Variants in SYPL1 observed in about 807,000 individuals in gnomAD.
SYPL1 encodes the protein synaptophysin-like protein 1.
Under a neutral mutation model 23.7 loss-of-function variants are expected in SYPL1, and 6 were observed. That is an observed-to-expected ratio of 0.25 (90% CI 0.14 to 0.50). SYPL1 has a LOEUF of 0.50. Among genes scored for constraint, SYPL1 ranks in the 20% least tolerant of loss-of-function variants. The pLI is 0.98. For synonymous variants in SYPL1, 102 were observed against 104.5 expected, an observed-to-expected ratio of 0.98 and a Z score of 0.15; for missense variants, 253 against 288.9, an observed-to-expected ratio of 0.88 and a Z score of 0.90.
At chr7:106,112,397 T>C (rs1450496230), upstream of SYPL1, 9 of 1,060,494 alleles carry the variant, frequency 8.5e-6, no homozygotes, top group African/African-American at 5.9e-5. Flanking sequence ...GCTGAGACTC[T>C]GGGGCGGAAA....
At chr7:106,094,840 T>G (rs141132866) in intron 3 of SYPL1, among the ~76,000 whole-genome samples, 1,909 of 152,256 alleles carry the variant, frequency 0.013, 16 homozygotes, top group Non-Finnish European at 0.02. Flanking sequence ...CATTCTTATA[T>G]TTCAAAAGCA....
At chr7:106,092,786 A>T in intron 4 of SYPL1, 163 bp downstream of exon 4, 2 of 632,026 alleles carry the variant, frequency 3.2e-6, no homozygotes, top group Non-Finnish European at 5.2e-6. Context: ...TACTTTTTTT[A>T]GACAAACTTT....
At chr7:106,112,509 C>A (rs944154163), upstream of SYPL1, 1 of 1,524,034 alleles carries the variant, frequency 6.6e-7, no homozygotes, top group East Asian at 2.8e-5. Context: ...GCTGGCGAAC[C>A]AAGTAGATGT....
chr7:106,092,650 G>T, intron 4 of SYPL1: 1 of 382,070 alleles, frequency 2.6e-6, no homozygotes, highest in South Asian at 1.9e-5. Flanking sequence ...TCCAGTCTGA[G>T]CGACATAGCG....
chr7:106,101,777 T>TAA lies in SYPL1; in HGVS notation c.70-2497_70-2496dup, dbSNP rs368949331. On this transcript the variant is annotated intron_variant, in intron 1 of 4. Coordinates refer to ENST00000455385, the MANE Select transcript of SYPL1 (RefSeq NM_182715.4). ...CCTGAGCATATACCCACGTTTAAAT[T>TAA]AAAAAAAAAAAAAAAGAAAAGAAAT... is the stretch of plus-strand genomic sequence containing the variant. Among the ~76,000 whole-genome samples the TAA allele has an allele frequency of 2.1e-3, 278 of 133,394 alleles. 3 individuals carry two copies. The highest frequency in any genetic ancestry group is 4.2e-3 in the African/African-American group (152 of 36,136). 87.5% of individuals were successfully genotyped at this position (133,394 alleles called of 152,430 possible). A position where few individuals can be genotyped will look rare whatever the true frequency, so the allele number is the denominator to read the frequency against.
rs1467733339 is a variant in SYPL1, at chr7:106,091,844, A to AG, written c.686dup (p.His230SerfsTer2). 2 of 1,613,422 alleles carry AG rather than the reference A, an allele frequency of 1.2e-6. No homozygotes were observed. The highest frequency in any genetic ancestry group is 1.7e-6 in the Non-Finnish European group (2 of 1,179,742). ...GAGGTGGAATACCTCCTTGGCTATGAGGGGCAGATGTATTTGATGGACTGT... is the reference window on the plus strand; with the variant it reads ...GAGGTGGAATACCTCCTTGGCTATGAGGGGGCAGATGTATTTGATGGACTGT... On this transcript the variant is annotated frameshift_variant, in exon 5 of 5. Coordinates refer to ENST00000455385, the MANE Select transcript of SYPL1 (RefSeq NM_182715.4). LOFTEE classifies it high-confidence loss of function. This position sits in a 1 kb window ranked among gnomAD's most constrained non-coding sequence, Gnocchi z 5.0.
intron 1 of SYPL1, among the ~76,000 whole-genome samples, 170 bp from the exon 2 acceptor site, chr7:106,099,452 C>A (rs537557898): frequency 6.6e-6 from 1 of 152,284 alleles, no homozygotes; most frequent in South Asian, 2.1e-4. Flanking sequence ...AGTACACTGG[C>A]ACGATCAGGG....
chr7:106,106,734 A>C (rs1435593159), intron 1 of SYPL1, among the ~76,000 whole-genome samples: 1 of 151,162 alleles, frequency 6.6e-6, no homozygotes, highest in African/African-American at 2.4e-5. Flanking sequence ...AGTCCCAGCT[A>C]CCCAGTAGAC....
At position 106,110,586 on chromosome 7, in the gene SYPL1, C is replaced by G. The variant is rs1790094085; in HGVS notation, c.69+1554G>C. On this transcript the variant is annotated intron_variant, in intron 1 of 4. Coordinates refer to ENST00000455385, the MANE Select transcript of SYPL1 (RefSeq NM_182715.4). Reference sequence around the variant, plus strand: ...AGTCAAATATTTACCACACCATTAACAATGTGTAGTCTTTTCATAAAAGGC... The same window carrying G: ...AGTCAAATATTTACCACACCATTAAGAATGTGTAGTCTTTTCATAAAAGGC... Among the ~76,000 whole-genome samples, 3 of 152,226 alleles carry G rather than the reference C, an allele frequency of 2.0e-5. No homozygotes were observed. The South Asian group carries it at 6.2e-4, about 31-fold the overall frequency.
chr7:106,112,284 T>G lies in SYPL1; in HGVS notation c.-76A>C. ...GACCGACGAGACCAGAGCAGCCCGG[T>G]GGCGAGGAAGGGCAGGCGGGGCTGG... is the stretch of plus-strand genomic sequence containing the variant. On this transcript the variant is annotated 5_prime_UTR_variant, in exon 1 of 5. Transcript: ENST00000455385. The G allele has an allele frequency of 7.3e-7, 1 of 1,376,328 alleles. No homozygotes were observed. Among genetic ancestry groups the G allele is most frequent in the South Asian group, 1.7e-5 (1 of 59,198 alleles). 85.3% of individuals were successfully genotyped at this position (1,376,328 alleles called of 1,614,324 possible).
intron 1 of SYPL1, among the ~76,000 whole-genome samples, chr7:106,106,971 C>G (rs986848021): frequency 6.6e-6 from 1 of 152,192 alleles, no homozygotes; most frequent in Non-Finnish European, 1.5e-5. Context: ...GTTGTTTACA[C>G]GTTTCTAGTT....
At chr7:106,108,064 G>A (rs1390745785) in intron 1 of SYPL1, among the ~76,000 whole-genome samples, 3 of 151,442 alleles carry the variant, frequency 2.0e-5, no homozygotes, top group African/African-American at 4.9e-5. Flanking sequence ...ATGTAGTGGC[G>A]AGCGCCTGTA....
chr7:106,091,905 C>T lies in SYPL1; in HGVS notation c.626G>A (p.Gly209Glu). Residue 209 changes from glycine (G) to glutamate (E), a missense_variant, in exon 5 of 5, where the codon GGA (glycine) becomes GAA (glutamate). Gly to Glu is a moderately conservative substitution (Grantham distance 98). Transcript: ENST00000455385. This position sits in a 1 kb window ranked among gnomAD's most constrained non-coding sequence, Gnocchi z 5.0. ...FGFLNMILWG[G>E]NAWFVYKETS... ...CTCCTTGTACACAAACCAAGCATTTCCTCCCCAGAGTATCATATTTAGAAA... is the reference window on the plus strand; with the variant it reads ...CTCCTTGTACACAAACCAAGCATTTTCTCCCCAGAGTATCATATTTAGAAA... 3 of 1,613,290 alleles carry T rather than the reference C, an allele frequency of 1.9e-6. No individual in the cohort carries two copies. Among genetic ancestry groups the T allele is most frequent in the South Asian group, 2.2e-5 (2 of 90,974 alleles).
intron 1 of SYPL1, among the ~76,000 whole-genome samples, chr7:106,110,597 CTT>C (rs1053480580): frequency 1.1e-4 from 16 of 152,158 alleles, no homozygotes; most frequent in African/African-American, 3.1e-4. Context: ...AATGTGTAGT[CTT>C]TTCATAAAAG....
rs1840604060 is a variant in SYPL1, at chr7:106,106,443, T to C, written c.69+5697A>G. ...GGTGGGCACCTGTAATCCCAGCTAC[T>C]TGGGAGGCTGAGGCAGGAGAATTGC... On this transcript the variant is annotated intron_variant, in intron 1 of 4. Transcript: ENST00000455385. 2.6e-5 allele frequency among the ~76,000 whole-genome samples: 4 copies of C among 151,836 alleles called. No homozygotes were observed. The South Asian group carries it at 6.2e-4, about 24-fold the overall frequency.
chr7:106,102,099 T>TC (rs1840355032), intron 1 of SYPL1, among the ~76,000 whole-genome samples: 1 of 151,604 alleles, frequency 6.6e-6, no homozygotes, highest in East Asian at 1.9e-4. Flanking sequence ...ATTACAACTT[T>TC]TTTTTTTTTT....
At chr7:106,098,656 G>A (rs1369403767) in intron 2 of SYPL1, among the ~76,000 whole-genome samples, 1 of 152,130 alleles carries the variant, frequency 6.6e-6, no homozygotes, top group African/African-American at 2.4e-5. Flanking sequence ...CTTCACAGAT[G>A]AAATACTCAT....
intron 1 of SYPL1, 31 bp from the exon 2 acceptor site, chr7:106,099,313 G>T: frequency 1.3e-6 from 2 of 1,577,220 alleles, no homozygotes; most frequent in Non-Finnish European, 1.7e-6. Context: ...AAAGACAAAA[G>T]AAAAAAAAGA....
chr7:106,103,188 T>C (rs1331697194), intron 1 of SYPL1, among the ~76,000 whole-genome samples: 1 of 152,192 alleles, frequency 6.6e-6, no homozygotes, highest in Non-Finnish European at 1.5e-5. Flanking sequence ...CCATAGTATA[T>C]TCTTACACTG....
Sources: allele counts gnomAD v4.1 joint callset (sites outside exome capture counted in the v4.1 genomes callset), GRCh38; gene constraint gnomAD v4.1.1; non-coding constraint Gnocchi (gnomAD v3.1); transcripts MANE v1.5; gene names NCBI Gene and HGNC (gene_info 2026-07-23, HGNC 2026-07-21).